EIF2A: variants seen among roughly 807,000 people sequenced by gnomAD.
EIF2A encodes the protein 65 kDa eukaryotic translation initiation factor 2A.
EIF2A carries 62 observed loss-of-function variants against 75.2 expected under a neutral mutation model. The ratio of observed to expected loss-of-function variants is 0.82; its 90% confidence interval spans 0.67 to 1.02. The LOEUF (loss-of-function observed/expected upper bound fraction) is 1.02. Ranked by LOEUF, EIF2A falls within the 50% of genes least tolerant of loss-of-function variation. The pLI is 0.00. For missense variants in EIF2A, 611 were observed against 677.7 expected, an observed-to-expected ratio of 0.90 and a Z score of 1.09; for synonymous variants, 207 against 239.0, an observed-to-expected ratio of 0.87 and a Z score of 1.23.
intron 11 of EIF2A, 124 bp downstream of exon 11, chr3:150,575,886 C>G: frequency 1.3e-6 from 1 of 752,776 alleles, no homozygotes; most frequent in Non-Finnish European, 2.0e-6. Context: ...GTTAGAAGTT[C>G]AAGACCAGAC....
intron 2 of EIF2A, among the ~76,000 whole-genome samples, chr3:150,556,096 C>T (rs1389238296): frequency 6.6e-6 from 1 of 152,040 alleles, no homozygotes; most frequent in Non-Finnish European, 1.5e-5. Flanking sequence ...GAAGTATGGC[C>T]CTTAACTCTG....
At chr3:150,547,132 G>A (rs1723075785) in intron 1 of EIF2A, 1 of 462,856 alleles carries the variant, frequency 2.2e-6, no homozygotes, top group Admixed American at 3.4e-5. Flanking sequence ...TGACACATGG[G>A]TCTGCAATAC....
At chr3:150,569,367 T>C (rs1461926749) in intron 9 of EIF2A, among the ~76,000 whole-genome samples, 3 of 152,052 alleles carry the variant, frequency 2.0e-5, no homozygotes, top group South Asian at 4.1e-4. Flanking sequence ...ATTATTTTTA[T>C]AAAGATGTCA....
In EIF2A at chr3:150,585,880, C is replaced by T. The variant is rs2626; in HGVS notation, c.*1969C>T. On this transcript the variant is annotated 3_prime_UTR_variant, in exon 14 of 14. Coordinates refer to ENST00000460851, the MANE Select transcript of EIF2A (RefSeq NM_032025.5). Reference sequence around the variant, plus strand: ...GAGAGCTTGTTCTGTCTCTTTGGGCCATGTGAAGACATGGTGAGAAAGCAG... The same window carrying T: ...GAGAGCTTGTTCTGTCTCTTTGGGCTATGTGAAGACATGGTGAGAAAGCAG... Among the ~76,000 whole-genome samples, 45,208 of 151,942 alleles carry T rather than the reference C, an allele frequency of 0.3. 7,322 individuals are homozygous for T. The highest frequency in any genetic ancestry group is 0.49 in the East Asian group (2,509 of 5,158).
chr3:150,557,263 A>T (rs1209291300), intron 2 of EIF2A, among the ~76,000 whole-genome samples: 1 of 152,210 alleles, frequency 6.6e-6, no homozygotes, highest in Non-Finnish European at 1.5e-5. Context: ...AGTAGGCTGA[A>T]ATGATAGGCC....
Position 150,584,050 on chromosome 3 carries a change from A to G in EIF2A, c.*139A>G. ...TTAACCATTTATCCAAGATTCTACT[A>G]AGTGTAAAATTATTTAATAATGTCT... On this transcript the variant is annotated 3_prime_UTR_variant, in exon 14 of 14. Transcript: ENST00000460851. 1 of 736,836 alleles carries G rather than the reference A, an allele frequency of 1.4e-6. No individual in the cohort carries two copies. The highest frequency in any genetic ancestry group is 2.9e-5 in the East Asian group (1 of 34,642). 45.6% of individuals were successfully genotyped at this position (736,836 alleles called of 1,614,324 possible). A position where few individuals can be genotyped will look rare whatever the true frequency, so the allele number is the denominator to read the frequency against.
In EIF2A at chr3:150,581,689, C is replaced by G. The variant is rs1293615982; in HGVS notation, c.1569C>G (p.Val523=). 5.8e-6 allele frequency: 9 copies of G among 1,553,794 alleles called. No homozygotes were observed. The highest frequency in any genetic ancestry group is 7.0e-6 in the Non-Finnish European group (8 of 1,148,024). Residue 523 remains valine, a synonymous_variant, in exon 12 of 14, where the codon GTC becomes GTG. Transcript: ENST00000460851. ...PAPQSTPRNT[V]SQSISGDPEI... The stretch of plus-strand genomic sequence containing the variant: ...CACAGAGCACACCACGAAACACTGT[C>G]TCTCAGTCAATTTCTGGGGACCCTG...
chr3:150,569,814 A>C (rs895266523), intron 9 of EIF2A, among the ~76,000 whole-genome samples: 7 of 144,500 alleles, frequency 4.8e-5, no homozygotes, highest in Non-Finnish European at 7.6e-5. Flanking sequence ...ACTCTGTCAC[A>C]AAAAAAAAAA....
intron 1 of EIF2A, among the ~76,000 whole-genome samples, chr3:150,550,829 G>A (rs541380130): frequency 6.6e-6 from 1 of 152,264 alleles, no homozygotes; most frequent in Admixed American, 6.5e-5. Flanking sequence ...ACCGTGCCCA[G>A]CTAATTTTTG....
At chr3:150,563,729 C>T in intron 5 of EIF2A, 115 bp downstream of exon 5, 1 of 863,844 alleles carries the variant, frequency 1.2e-6, no homozygotes, top group South Asian at 2.1e-5. Context: ...CAAAAATCTA[C>T]ATTTTTAAGG....
intron 9 of EIF2A, among the ~76,000 whole-genome samples, chr3:150,570,524 C>T (rs112739410): frequency 4.7e-4 from 69 of 145,688 alleles, no homozygotes; most frequent in African/African-American, 1.5e-3. Context: ...TAAGATCCTA[C>T]GGCTGTACTG....
chr3:150,548,426 CTG>C (rs962118991), intron 1 of EIF2A, among the ~76,000 whole-genome samples: 21 of 152,176 alleles, frequency 1.4e-4, no homozygotes, highest in African/African-American at 4.6e-4. Context: ...CCCTGCTAGA[CTG>C]TGAGTCCTTC....
chr3:150,575,679 C>G lies in EIF2A; in HGVS notation c.1414C>G (p.Pro472Ala). ...HEEEPPQNMK[P>A]QSGNDKPLSK... The stretch of plus-strand genomic sequence containing the variant: ...AGAGGAACCACCTCAGAATATGAAA[C>G]CACAATCAGGAAACGATAAGCCATT... The change falls in exon 11 of 14, where the codon CCA (proline) becomes GCA (alanine). Residue 472 changes from proline (P) to alanine (A), a missense_variant. Coordinates refer to ENST00000460851, the MANE Select transcript of EIF2A (RefSeq NM_032025.5). The G allele has an allele frequency of 1.2e-6, 2 of 1,612,168 alleles. No individual in the cohort carries two copies. The highest frequency in any genetic ancestry group is 1.7e-6 in the Non-Finnish European group (2 of 1,179,282).
intron 9 of EIF2A, 70 bp downstream of exon 9, chr3:150,568,362 T>C (rs1174336885): frequency 5.0e-6 from 6 of 1,200,982 alleles, no homozygotes; most frequent in Non-Finnish European, 6.9e-6. Context: ...ATAAAGATGA[T>C]ATAATCTAAA....
chr3:150,555,450 G>A (rs937094616), intron 2 of EIF2A, among the ~76,000 whole-genome samples: 3 of 151,396 alleles, frequency 2.0e-5, no homozygotes, highest in Admixed American at 2.0e-4. Context: ...TAGAGACGTG[G>A]TTTCACCATG....
intron 1 of EIF2A, among the ~76,000 whole-genome samples, chr3:150,549,369 C>G (rs1219475189): frequency 6.6e-6 from 1 of 152,082 alleles, no homozygotes; most frequent in East Asian, 1.9e-4. Flanking sequence ...CAGGCGTGCA[C>G]CACCACGCCC....
At chr3:150,553,177 G>T (rs1419172890) in intron 2 of EIF2A, among the ~76,000 whole-genome samples, 14 of 152,056 alleles carry the variant, frequency 9.2e-5, no homozygotes, top group Non-Finnish European at 1.5e-5. Flanking sequence ...AATTAGCCGG[G>T]TGTGGGGGCA....
At chr3:150,568,346 T>A in intron 9 of EIF2A, 54 bp downstream of exon 9, 1 of 1,361,438 alleles carries the variant, frequency 7.3e-7, no homozygotes, top group Non-Finnish European at 1.0e-6. Flanking sequence ...TAAAAAATAC[T>A]ATGCCATAAA....
chr3:150,558,945 T>C (rs1226649814), intron 3 of EIF2A, among the ~76,000 whole-genome samples: 3 of 152,186 alleles, frequency 2.0e-5, no homozygotes, highest in Admixed American at 2.0e-4. Context: ...AAAATACCAG[T>C]TTACAAAATT....
Sources: gnomAD v4.1 joint callset for allele counts (sites outside exome capture counted in the v4.1 genomes callset) on GRCh38, gnomAD v4.1.1 for gene constraint, MANE v1.5 for transcripts, NCBI Gene and HGNC (gene_info 2026-07-23, HGNC 2026-07-21) for gene names.